The following CDH20 variants were observed in gnomAD, a reference collection of about 807,000 sequenced individuals.
The protein encoded by CDH20 is cadherin-20.
A neutral mutation model predicts 74.2 loss-of-function variants in CDH20; 29 were observed. That is an observed-to-expected ratio of 0.39 (90% CI 0.29 to 0.53). The LOEUF (loss-of-function observed/expected upper bound fraction) is 0.53, where lower values mean the gene tolerates loss of function less well. Ranked by LOEUF, CDH20 falls within the 20% of genes least tolerant of loss-of-function variation. CDH20 has a pLI of 0.69. For missense variants in CDH20, 988 were observed against 1,048.3 expected (o/e 0.94, Z 0.79); for synonymous variants, 469 against 405.4 (o/e 1.16, Z -1.88).
intron 1 of CDH20, among the ~76,000 whole-genome samples, chr18:61,410,279 A>C (rs1203043335): frequency 1.3e-5 from 2 of 152,232 alleles, no homozygotes; most frequent in Non-Finnish European, 2.9e-5. Flanking sequence ...ACTTAATGAC[A>C]GTATCAAGAA....
At chr18:61,518,465 C>G (rs764310976) in intron 6 of CDH20, among the ~76,000 whole-genome samples, 6 of 151,702 alleles carry the variant, frequency 4.0e-5, no homozygotes, top group Non-Finnish European at 7.4e-5. Context: ...GCTGGTGATA[C>G]CCAGGCAAAC....
At chr18:61,535,121 G>T (rs181677659) in intron 7 of CDH20, among the ~76,000 whole-genome samples, 1 of 151,920 alleles carries the variant, frequency 6.6e-6, no homozygotes, top group Admixed American at 6.6e-5. Context: ...TTTGAGACCC[G>T]ACTGGCCAAC....
chr18:61,451,186 G>A (rs563460661), intron 1 of CDH20, among the ~76,000 whole-genome samples: 1 of 149,610 alleles, frequency 6.7e-6, no homozygotes, highest in Admixed American at 6.7e-5. Context: ...CTTTTACTTT[G>A]TGGTTCTGCC....
chr18:61,386,804 A>C (rs1911615557), intron 1 of CDH20, among the ~76,000 whole-genome samples: 1 of 152,320 alleles, frequency 6.6e-6, no homozygotes, highest in Non-Finnish European at 1.5e-5. Context: ...AAAAAAGCTA[A>C]ATTAAAAAAG....
At chr18:61,472,021 TTACTG>T (rs1910198480) in intron 1 of CDH20, among the ~76,000 whole-genome samples, 1 of 152,158 alleles carries the variant, frequency 6.6e-6, no homozygotes, top group South Asian at 2.1e-4. Flanking sequence ...ACTTTAGCTC[TTACTG>T]TACAAGGCTG....
chr18:61,366,397 T>C (rs1387026024), intron 1 of CDH20, among the ~76,000 whole-genome samples: 4 of 152,180 alleles, frequency 2.6e-5, no homozygotes, highest in Non-Finnish European at 5.9e-5. Flanking sequence ...TTAGACTTTA[T>C]TAAAGTACAT....
chr18:61,538,987 A>G (rs766139658), intron 8 of CDH20, 37 bp from the exon 9 acceptor site: 10 of 1,602,278 alleles, frequency 6.2e-6, no homozygotes, highest in Non-Finnish European at 8.5e-6. Context: ...TGGCATTACT[A>G]AACTCTCAGA....
At chr18:61,495,714 T>C (rs954514343) in intron 2 of CDH20, among the ~76,000 whole-genome samples, 6 of 152,100 alleles carry the variant, frequency 3.9e-5, no homozygotes, top group Admixed American at 6.5e-5. Context: ...ACCTCCCTTG[T>C]GTGTTGCCCC....
intron 1 of CDH20, among the ~76,000 whole-genome samples, chr18:61,340,148 C>T (rs1909898877): frequency 6.6e-6 from 1 of 151,670 alleles, no homozygotes; most frequent in African/African-American, 2.4e-5. Flanking sequence ...CTAAAATAAG[C>T]AATGTTAACC....
intron 6 of CDH20, among the ~76,000 whole-genome samples, chr18:61,520,622 A>G (rs1599143194): frequency 6.9e-6 from 1 of 144,466 alleles, no homozygotes; most frequent in Admixed American, 6.9e-5. Flanking sequence ...CCACCCCAAA[A>G]TCAACAGAAT....
intron 1 of CDH20, among the ~76,000 whole-genome samples, chr18:61,428,265 T>C (rs546477507): frequency 2.6e-4 from 40 of 152,282 alleles, no homozygotes; most frequent in African/African-American, 9.1e-4. Flanking sequence ...AAGAGATCCC[T>C]CGGGCTCTGT....
rs1229870259 is a variant in CDH20, at chr18:61,518,824, G to A, written c.1018-9143G>A. 5.3e-5 allele frequency among the ~76,000 whole-genome samples: 8 copies of A among 151,218 alleles called. No homozygotes were observed. The East Asian group carries it at 7.7e-4, about 15-fold the overall frequency. ...AAAGTGGGTAATAACAAACTTTTCC[G>A]AGCTAATGGGGCATGTTCTAACACA... On this transcript the variant is annotated intron_variant, in intron 6 of 11. Transcript: ENST00000262717.
At chr18:61,548,993 T>C (rs1913343020) in intron 10 of CDH20, among the ~76,000 whole-genome samples, 1 of 152,220 alleles carries the variant, frequency 6.6e-6, no homozygotes, top group South Asian at 2.1e-4. Flanking sequence ...CTCTTTCCTA[T>C]GAAATATGAA....
chr18:61,552,350 CATGTAATATTTGTT>C lies in CDH20; in HGVS notation c.1901-1823_1901-1810del, dbSNP rs542781988. Among the ~76,000 whole-genome samples the C allele has an allele frequency of 2.4e-4, 36 of 150,980 alleles. No homozygotes were observed. The South Asian group carries it at 2.7e-3, about 11-fold the overall frequency. ...CCTCAAAATCTGATTTTCAGGGCAT[CATGTAATATTTGTT>C]ATGTAATATTTGTTATTTACCTAAT... On this transcript the variant is annotated intron_variant, in intron 11 of 11. Transcript: ENST00000262717.
At chr18:61,359,394 A>G (rs1284835001) in intron 1 of CDH20, among the ~76,000 whole-genome samples, 1 of 151,990 alleles carries the variant, frequency 6.6e-6, no homozygotes, top group Non-Finnish European at 1.5e-5. Context: ...AAAAAAAAAT[A>G]AAATAAAAAA....
rs117415080 is a variant in CDH20, at chr18:61,533,232, G to A, written c.1272-3261G>A. On this transcript the variant is annotated intron_variant, in intron 7 of 11. Transcript: ENST00000262717. ...CTGAGGCGGAAGGATCACTGGAGCC[G>A]AGGAGTTTGAGGCTGCAGTGAGTTT... Among the ~76,000 whole-genome samples, 859 of 152,242 alleles carry A rather than the reference G, an allele frequency of 5.6e-3. 3 individuals are homozygous for A. Among genetic ancestry groups the A allele is most frequent in the Non-Finnish European group, 9.0e-3 (613 of 68,006 alleles).
chr18:61,388,036 AT>A (rs1911659143), intron 1 of CDH20, among the ~76,000 whole-genome samples: 1 of 152,212 alleles, frequency 6.6e-6, no homozygotes, highest in South Asian at 2.1e-4. Context: ...AGGAAGACAG[AT>A]TTTATAGCTA....
At chr18:61,397,745 C>T (rs913179798) in intron 1 of CDH20, among the ~76,000 whole-genome samples, 16 of 152,120 alleles carry the variant, frequency 1.1e-4, no homozygotes, top group African/African-American at 4.8e-5. Flanking sequence ...GCCGTGTAAC[C>T]TTAGGCAAGT....
intron 1 of CDH20, among the ~76,000 whole-genome samples, chr18:61,396,072 T>TGTGTGTGTGTGTGTGTGTG (rs1568123837): frequency 3.3e-5 from 5 of 151,910 alleles, no homozygotes; most frequent in African/African-American, 4.8e-5. Context: ...TGTGTGTGTG[T>TGTGTGTGTGTGTGTGTGTG]TCATGCACGC....
Sources: allele counts gnomAD v4.1 joint callset (sites outside exome capture counted in the v4.1 genomes callset), GRCh38; gene constraint gnomAD v4.1.1; transcripts MANE v1.5; gene names NCBI Gene and HGNC (gene_info 2026-07-23, HGNC 2026-07-21).